The following PRKCH variants were observed in gnomAD, a reference collection of about 807,000 sequenced individuals.
PRKCH encodes the protein protein kinase C eta type.
A neutral mutation model predicts 82.5 loss-of-function variants in PRKCH; 28 were observed. That is an observed-to-expected ratio of 0.34 (90% CI 0.25 to 0.47). The LOEUF is 0.47. Among genes scored for constraint, PRKCH ranks in the 20% least tolerant of loss-of-function variants. PRKCH has a pLI of 1.00. For synonymous variants in PRKCH, 322 were observed against 327.4 expected (o/e 0.98, Z 0.18); for missense variants, 705 against 881.8 (o/e 0.80, Z 2.54).
chr14:61,410,396 T>C (rs897795656), intron 2 of PRKCH, among the ~76,000 whole-genome samples: 1 of 152,228 alleles, frequency 6.6e-6, no homozygotes, highest in African/African-American at 2.4e-5. Context: ...ATCTTTTTAC[T>C]CTGCTCCATG....
At chr14:61,288,927 T>C (rs907369811) in intron 1 of PRKCH, among the ~76,000 whole-genome samples, 2 of 152,240 alleles carry the variant, frequency 1.3e-5, no homozygotes, top group African/African-American at 4.8e-5. Flanking sequence ...AGGAAGCAGA[T>C]CTGGCTGTCA....
chr14:61,203,033 C>G (rs968733772), intron 1 of PRKCH, among the ~76,000 whole-genome samples: 26 of 152,092 alleles, frequency 1.7e-4, no homozygotes, highest in African/African-American at 6.3e-4. Flanking sequence ...CATCTCTCCC[C>G]CTAATTGATT....
At chr14:61,188,947 T>G (rs557674632) in intron 1 of PRKCH, among the ~76,000 whole-genome samples, 1 of 152,232 alleles carries the variant, frequency 6.6e-6, no homozygotes, top group South Asian at 2.1e-4. Flanking sequence ...CTCGAACTAC[T>G]GACCTCAGAT....
chr14:61,254,723 T>G (rs2044982114), intron 1 of PRKCH, among the ~76,000 whole-genome samples: 1 of 152,224 alleles, frequency 6.6e-6, no homozygotes, highest in Non-Finnish European at 1.5e-5. Context: ...AAGCCTTTAA[T>G]TTTGGGCAAG....
In PRKCH at chr14:61,297,708, G is replaced by GATCT. The variant is rs751047242; in HGVS notation, c.-19+110040_-19+110041insATCT. Reference sequence around the variant, plus strand: ...ATGTAGTGCTGCCACTGATCTGACGGGAAGTGGAGTTCAGGGGGTAATGCT... The same window carrying GATCT: ...ATGTAGTGCTGCCACTGATCTGACGGATCTGAAGTGGAGTTCAGGGGGTAATGCT... On this transcript the variant is annotated intron_variant, in intron 1 of 3. Transcript: ENST00000555185. Among the ~76,000 whole-genome samples the GATCT allele has an allele frequency of 2.4e-3, 370 of 152,256 alleles. 3 individuals carry two copies. Among genetic ancestry groups the GATCT allele is most frequent in the Admixed American group, 3.9e-3 (59 of 15,292 alleles).
chr14:61,332,210 G>A (rs2045798028), intron 1 of PRKCH, among the ~76,000 whole-genome samples: 1 of 152,190 alleles, frequency 6.6e-6, no homozygotes, highest in Non-Finnish European at 1.5e-5. Flanking sequence ...AATCACTGTA[G>A]GACAGACATT....
chr14:61,382,338 G>A (rs1003094700), intron 1 of PRKCH, among the ~76,000 whole-genome samples: 54 of 152,196 alleles, frequency 3.5e-4, no homozygotes, highest in African/African-American at 1.0e-3. Flanking sequence ...GCTTAGTTGA[G>A]AGGTTGGCTT....
intron 12 of PRKCH, 71 bp from the exon 13 acceptor site, chr14:61,547,672 A>G (rs994733848): frequency 8.7e-5 from 135 of 1,543,826 alleles, no homozygotes; most frequent in Non-Finnish European, 1.0e-4. Context: ...GCCATGGCTG[A>G]TGCCTGCTGT....
chr14:61,279,102 C>T (rs1362002880), intron 1 of PRKCH: 4 of 151,854 alleles, frequency 2.6e-5, no homozygotes, highest in African/African-American at 7.3e-5. Flanking sequence ...TCTGATTCTA[C>T]GTTAAAGCAT....
At chr14:61,427,133 A>G (rs1270686132) in intron 2 of PRKCH, among the ~76,000 whole-genome samples, 3 of 152,134 alleles carry the variant, frequency 2.0e-5, no homozygotes, top group Non-Finnish European at 4.4e-5. Flanking sequence ...TGGTCTGGAA[A>G]GGCAGGACAA....
At chr14:61,216,232 G>A (rs1424454845) in intron 1 of PRKCH, among the ~76,000 whole-genome samples, 9 of 152,204 alleles carry the variant, frequency 5.9e-5, no homozygotes, top group South Asian at 2.1e-4. Context: ...TTGGGAGGCC[G>A]AGGAGGGCGG....
chr14:61,383,311 T>C (rs761708956), intron 1 of PRKCH, among the ~76,000 whole-genome samples: 16 of 152,164 alleles, frequency 1.1e-4, no homozygotes, highest in Non-Finnish European at 1.6e-4. Flanking sequence ...ATTTAGCTCT[T>C]AGATCAACTC....
At chr14:61,511,973 A>C (rs1038301474) in intron 10 of PRKCH, among the ~76,000 whole-genome samples, 11 of 152,206 alleles carry the variant, frequency 7.2e-5, no homozygotes, top group African/African-American at 2.7e-4. Context: ...TAGATCAGAC[A>C]GGTAAAATGT....
rs751159440 is a variant in PRKCH, at chr14:61,550,403, T to G, written c.*572T>G. 3.9e-5 allele frequency: 6 copies of G among 152,460 alleles called. No individual in the cohort carries two copies. The highest frequency in any genetic ancestry group is 7.3e-5 in the Non-Finnish European group (5 of 68,052). The allele number at this position is 152,460 out of a possible 1,614,324, so 9.4% of individuals were successfully genotyped here. On this transcript the variant is annotated 3_prime_UTR_variant, in exon 14 of 14. Coordinates refer to ENST00000332981, the MANE Select transcript of PRKCH (RefSeq NM_006255.5). ...CCTAAAGCCCAATCTTGAAAATATG[T>G]TGTGCACCAAGACGACTGCTTCAGC...
At chr14:61,188,931 G>A (rs892883587) in intron 1 of PRKCH, among the ~76,000 whole-genome samples, 4 of 152,052 alleles carry the variant, frequency 2.6e-5, no homozygotes, top group Non-Finnish European at 5.9e-5. Flanking sequence ...TGTTGATCAG[G>A]CTGGTCTCGA....
At chr14:61,547,618 G>C in intron 12 of PRKCH, 125 bp from the exon 13 acceptor site, 1 of 1,231,558 alleles carries the variant, frequency 8.1e-7, no homozygotes, top group Non-Finnish European at 1.1e-6. Flanking sequence ...GGAAAACCCA[G>C]CTAGTTAAGC....
chr14:61,395,296 C>CCCA (rs1555383091), intron 2 of PRKCH, among the ~76,000 whole-genome samples: 4 of 146,970 alleles, frequency 2.7e-5, no homozygotes, highest in Admixed American at 6.7e-5. Context: ...TGGAGCCCCC[C>CCCA]CCCGCATTTG....
intron 1 of PRKCH, among the ~76,000 whole-genome samples, chr14:61,359,962 A>G (rs2140159473): frequency 6.6e-6 from 1 of 152,344 alleles, no homozygotes; most frequent in Admixed American, 6.5e-5. Context: ...CTTACCACAG[A>G]CAGAGTTTTA....
intron 1 of PRKCH, among the ~76,000 whole-genome samples, chr14:61,376,573 A>G (rs2140179977): frequency 6.6e-6 from 1 of 152,176 alleles, no homozygotes; most frequent in South Asian, 2.1e-4. Context: ...TGGGCTTTTC[A>G]TCATCCCTTA....
Sources: allele counts gnomAD v4.1 joint callset (sites outside exome capture counted in the v4.1 genomes callset), GRCh38; gene constraint gnomAD v4.1.1; transcripts MANE v1.5; gene names NCBI Gene and HGNC (gene_info 2026-07-23, HGNC 2026-07-21).